Variants in SH3GL3 observed in about 807,000 individuals in gnomAD.
SH3GL3 encodes the protein SH3 domain containing GRB2 like 3, endophilin A3.
SH3GL3 carries 33 observed loss-of-function variants against 47.7 expected under a neutral mutation model. The ratio of observed to expected loss-of-function variants is 0.69; its 90% CI spans 0.52 to 0.92. The LOEUF is 0.92. SH3GL3 is among the 40% of genes least tolerant of loss of function. The pLI, the probability that SH3GL3 is intolerant of heterozygous loss-of-function variation, is 0.00. For synonymous variants in SH3GL3, 155 were observed against 148.8 expected, an observed-to-expected ratio of 1.04 and a Z score of -0.30; for missense variants, 363 against 417.8, an observed-to-expected ratio of 0.87 and a Z score of 1.14.
intron 3 of SH3GL3, among the ~76,000 whole-genome samples, chr15:83,566,387 T>A (rs947971673): frequency 2.0e-5 from 3 of 151,654 alleles, no homozygotes; most frequent in Non-Finnish European, 2.9e-5. Context: ...TGTGTGTGTG[T>A]GTGTGTGTGT....
chr15:83,632,566 G>T, the SH3GL3 span, among the ~76,000 whole-genome samples: 1 of 152,218 alleles, frequency 6.6e-6, no homozygotes, highest in Non-Finnish European at 1.5e-5. Flanking sequence ...CAAAGCCTCA[G>T]GAAACTCACA....
chr15:83,553,949 G>A (rs1203660898), intron 1 of SH3GL3, among the ~76,000 whole-genome samples: 1 of 150,730 alleles, frequency 6.6e-6, no homozygotes, highest in Non-Finnish European at 1.5e-5. Flanking sequence ...TTTCCTTGAT[G>A]TAATACTTTA....
intron 1 of SH3GL3, among the ~76,000 whole-genome samples, chr15:83,478,184 G>A (rs1161675275): frequency 6.6e-6 from 1 of 152,092 alleles, no homozygotes; most frequent in Admixed American, 6.6e-5. Flanking sequence ...ATCATTGCAG[G>A]GGCTTAACCT....
At chr15:83,553,963 T>G (rs1316043074) in intron 1 of SH3GL3, among the ~76,000 whole-genome samples, 1 of 152,120 alleles carries the variant, frequency 6.6e-6, no homozygotes, top group Non-Finnish European at 1.5e-5. Context: ...TACTTTAGCA[T>G]CACTGTTATT....
At chr15:83,603,295 C>T (rs2060434939) in intron 8 of SH3GL3, among the ~76,000 whole-genome samples, 1 of 152,164 alleles carries the variant, frequency 6.6e-6, no homozygotes, top group South Asian at 2.1e-4. Context: ...AACTTGATTT[C>T]TTAAAAAACG....
Position 83,525,871 on chromosome 15 carries a change from G to T in SH3GL3, c.46-33382G>T, listed in dbSNP as rs116958737. On this transcript the variant is annotated intron_variant, in intron 1 of 8. Transcript: ENST00000427482. ...TTTCTGGGTTCTCTATTCGTGTTCT[G>T]TTGGTCTGTGTGACTATTTATATGC... Among the ~76,000 whole-genome samples, 745 of 152,210 alleles carry T rather than the reference G, an allele frequency of 4.9e-3. 2 individuals are homozygous for T. Among genetic ancestry groups the T allele is most frequent in the Non-Finnish European group, 8.1e-3 (550 of 67,988 alleles).
chr15:83,628,594 T>G, the SH3GL3 span, among the ~76,000 whole-genome samples: 1 of 151,950 alleles, frequency 6.6e-6, no homozygotes, highest in South Asian at 2.1e-4. Context: ...AGTACAAAAA[T>G]CAGCTATGAG....
chr15:83,450,788 T>TC (rs1313980611), intron 1 of SH3GL3, among the ~76,000 whole-genome samples: 382 of 17,946 alleles, frequency 0.021, 7 homozygotes, highest in African/African-American at 0.11. Context: ...GTTATAGATT[T>TC]TCTTTTTTTT....
At chr15:83,456,552 G>T (rs1195198870) in intron 1 of SH3GL3, among the ~76,000 whole-genome samples, 1 of 96,100 alleles carries the variant, frequency 1.0e-5, no homozygotes, top group Non-Finnish European at 2.1e-5. Flanking sequence ...GCAATATTCC[G>T]GTGGGAGTGA....
chr15:83,570,074 C>G (rs56128985), intron 4 of SH3GL3, among the ~76,000 whole-genome samples: 6,133 of 152,176 alleles, frequency 0.04, 160 homozygotes, highest in Non-Finnish European at 0.061. Context: ...TTTAGAAAAT[C>G]TTTTTCATCC....
intron 1 of SH3GL3, among the ~76,000 whole-genome samples, chr15:83,497,623 C>G (rs2042133270): frequency 6.6e-6 from 1 of 152,188 alleles, no homozygotes; most frequent in Non-Finnish European, 1.5e-5. Context: ...ACTCTCTCTC[C>G]CCTTAGGCCT....
intron 1 of SH3GL3, among the ~76,000 whole-genome samples, chr15:83,506,735 G>A (rs1466418357): frequency 6.6e-6 from 1 of 152,012 alleles, no homozygotes; most frequent in Non-Finnish European, 1.5e-5. Flanking sequence ...TTCAATAGAG[G>A]TCTGGCAAAT....
At chr15:83,570,005 T>C (rs150546944) in intron 4 of SH3GL3, among the ~76,000 whole-genome samples, 22 of 151,996 alleles carry the variant, frequency 1.4e-4, no homozygotes, top group African/African-American at 4.1e-4. Flanking sequence ...AGATTTTTAT[T>C]TTTTATTTAC....
intron 3 of SH3GL3, among the ~76,000 whole-genome samples, chr15:83,566,173 C>A (rs893507401): frequency 2.0e-5 from 3 of 152,098 alleles, no homozygotes; most frequent in African/African-American, 7.2e-5. Context: ...AACCAGCTGA[C>A]TCTTGAATGG....
chr15:83,493,478 G>A (rs903395116), intron 1 of SH3GL3, among the ~76,000 whole-genome samples: 2 of 152,098 alleles, frequency 1.3e-5, no homozygotes, highest in African/African-American at 4.8e-5. Context: ...GTGACACATC[G>A]GCTCTGTCTT....
intron 8 of SH3GL3, among the ~76,000 whole-genome samples, chr15:83,596,492 T>C (rs1380407992): frequency 1.3e-5 from 2 of 152,244 alleles, no homozygotes; most frequent in Non-Finnish European, 2.9e-5. Flanking sequence ...CTGATTATAG[T>C]TATGGATTTG....
At chr15:83,481,484 G>A (rs141930980) in intron 1 of SH3GL3, among the ~76,000 whole-genome samples, 6 of 152,120 alleles carry the variant, frequency 3.9e-5, no homozygotes, top group Admixed American at 3.9e-4. Context: ...TCTCCCTGCT[G>A]GTTTGGTTTG....
chr15:83,521,740 C>T (rs1264976122), intron 1 of SH3GL3, among the ~76,000 whole-genome samples: 1 of 152,144 alleles, frequency 6.6e-6, no homozygotes, highest in East Asian at 1.9e-4. Context: ...CCTCCTACAA[C>T]AATGTGAAAA....
chr15:83,589,648 A>T (rs941903278), intron 8 of SH3GL3, among the ~76,000 whole-genome samples: 26 of 152,164 alleles, frequency 1.7e-4, no homozygotes, highest in African/African-American at 4.8e-4. Flanking sequence ...AAGTGCTGGG[A>T]TTATAGGCAT....
Sources: allele counts gnomAD v4.1 joint callset (sites outside exome capture counted in the v4.1 genomes callset), GRCh38; gene constraint gnomAD v4.1.1; transcripts MANE v1.5; gene names NCBI Gene and HGNC (gene_info 2026-07-23, HGNC 2026-07-21).